The following B4GALT1 variants were observed in gnomAD, a reference collection of about 807,000 sequenced individuals.
B4GALT1 encodes beta-1,4-galactosyltransferase 1.
B4GALT1 carries 16 observed loss-of-function variants against 34.9 expected under a neutral mutation model. The observed-to-expected ratio is 0.46, with a 90% CI of 0.31 to 0.70. The LOEUF is 0.70. Ranked by LOEUF, B4GALT1 falls within the 30% of genes least tolerant of loss-of-function variation. The pLI is 0.05. For missense variants in B4GALT1, 445 were observed against 530.5 expected, an observed-to-expected ratio of 0.84 and a Z score of 1.58; for synonymous variants, 221 against 218.1, an observed-to-expected ratio of 1.01 and a Z score of -0.12.
At chr9:33,174,958 TAAAAAAAAAAAAAAAA>T in the B4GALT1 span, among the ~76,000 whole-genome samples, 5 of 13,354 alleles carry the variant, frequency 3.7e-4, no homozygotes, top group African/African-American at 5.7e-4. Flanking sequence ...GACTCTGTCT[TAAAAAAAAAAAAAAAA>T]AAAAAAAAAA....
downstream of B4GALT1, among the ~76,000 whole-genome samples, chr9:33,108,368 TTTGGGAGA>T (rs1839817142): frequency 6.6e-6 from 1 of 151,596 alleles, no homozygotes; most frequent in African/African-American, 2.4e-5. Flanking sequence ...ATCCCAGCAC[TTTGGGAGA>T]CTGAGGCAAG....
At chr9:33,161,535 G>A (rs1840675514) in intron 1 of B4GALT1, among the ~76,000 whole-genome samples, 1 of 152,170 alleles carries the variant, frequency 6.6e-6, no homozygotes. Context: ...TTAGGGACAG[G>A]AGGGACCCTG....
At chr9:33,175,026 T>C in the B4GALT1 span, among the ~76,000 whole-genome samples, 15 of 88,824 alleles carry the variant, frequency 1.7e-4, no homozygotes, top group African/African-American at 5.6e-4. Context: ...TATATAAAAT[T>C]GGAGGCCTAG....
At chr9:33,109,289 GT>G (rs1478521402), downstream of B4GALT1, among the ~76,000 whole-genome samples, 2 of 152,234 alleles carry the variant, frequency 1.3e-5, no homozygotes, top group Non-Finnish European at 2.9e-5. Context: ...TGTCTGGAGG[GT>G]GGAGCCCCTG....
intron 1 of B4GALT1, among the ~76,000 whole-genome samples, chr9:33,137,496 C>T (rs1188192668): frequency 6.6e-6 from 1 of 152,162 alleles, no homozygotes; most frequent in African/African-American, 2.4e-5. Flanking sequence ...AGCCAGCTCC[C>T]ACCTCCCAGG....
intron 1 of B4GALT1, among the ~76,000 whole-genome samples, chr9:33,158,762 C>T (rs942915310): frequency 2.6e-5 from 4 of 152,194 alleles, no homozygotes; most frequent in Non-Finnish European, 5.9e-5. Context: ...ACCCAGGCTT[C>T]CTCTCTCTGA....
chr9:33,137,214 G>C (rs1048023985), intron 1 of B4GALT1, among the ~76,000 whole-genome samples: 7 of 152,202 alleles, frequency 4.6e-5, no homozygotes, highest in Non-Finnish European at 7.3e-5. Context: ...AGCTCTGTCT[G>C]TCTCCCTCCC....
the B4GALT1 span, among the ~76,000 whole-genome samples, chr9:33,182,795 A>T: frequency 6.6e-6 from 1 of 152,194 alleles, no homozygotes; most frequent in African/African-American, 2.4e-5. Context: ...GACAAGCGAG[A>T]TGATCTCTTA....
At position 33,113,350 on chromosome 9, in the gene B4GALT1, C is replaced by T; in HGVS notation, c.*104G>A. 2 of 1,547,022 alleles carry T rather than the reference C, an allele frequency of 1.3e-6. No individual in the cohort carries two copies. Among genetic ancestry groups the T allele is most frequent in the Admixed American group, 1.7e-5 (1 of 59,868 alleles). ...TGAATGATGAGCGAAGGGGACCTGT[C>T]ACTCAGACTGGTAAAAATGAGAGGG... On this transcript the variant is annotated 3_prime_UTR_variant, in exon 6 of 6. Transcript: ENST00000379731.
intron 1 of B4GALT1, among the ~76,000 whole-genome samples, chr9:33,154,551 C>T (rs1435646134): frequency 2.0e-5 from 3 of 152,178 alleles, no homozygotes; most frequent in Admixed American, 2.0e-4. Context: ...GTATTTTTAC[C>T]ATGGTTGGCA....
intron 2 of B4GALT1, among the ~76,000 whole-genome samples, chr9:33,126,936 A>G (rs1441755051): frequency 6.6e-6 from 1 of 151,566 alleles, no homozygotes. Context: ...CAGAAGAGAC[A>G]GTTTTTGTTT....
intron 2 of B4GALT1, among the ~76,000 whole-genome samples, chr9:33,125,680 T>C (rs1840081861): frequency 6.6e-6 from 1 of 152,120 alleles, no homozygotes; most frequent in Non-Finnish European, 1.5e-5. Context: ...GGACAGGTGC[T>C]AGAATCTGGT....
chr9:33,139,819 G>A (rs552845916), intron 1 of B4GALT1, among the ~76,000 whole-genome samples: 23 of 152,372 alleles, frequency 1.5e-4, no homozygotes, highest in African/African-American at 5.0e-4. Flanking sequence ...GAGCCAAGGC[G>A]CCCTTGCTGT....
At chr9:33,151,166 C>A (rs1047477401) in intron 1 of B4GALT1, among the ~76,000 whole-genome samples, 3 of 152,220 alleles carry the variant, frequency 2.0e-5, no homozygotes, top group African/African-American at 7.2e-5. Flanking sequence ...ATTCACTTCC[C>A]TGCTCTGACT....
intron 1 of B4GALT1, among the ~76,000 whole-genome samples, chr9:33,144,206 C>T (rs997489766): frequency 6.7e-6 from 1 of 149,930 alleles, no homozygotes; most frequent in Non-Finnish European, 1.5e-5. Context: ...TTTCACTCTT[C>T]CTCTTAATTT....
Position 33,167,010 on chromosome 9 carries a change from C to G in B4GALT1, c.160G>C (p.Val54Leu), listed in dbSNP as rs763372633. 1.4e-5 allele frequency: 22 copies of G among 1,597,382 alleles called. No individual in the cohort carries two copies. Among genetic ancestry groups the G allele is most frequent in the Non-Finnish European group, 1.5e-5 (18 of 1,177,664 alleles). ...GRDLSRLPQL[V>L]GVSTPLQGGS... is the part of the protein sequence containing the mutation. ...CCCTGCAGCGGTGTGGAGACTCCGACCAGTTGGGGCAGGCGGCTCAGGTCG... is the reference window on the plus strand; with the variant it reads ...CCCTGCAGCGGTGTGGAGACTCCGAGCAGTTGGGGCAGGCGGCTCAGGTCG... Residue 54 changes from valine (V) to leucine (L), a missense_variant, in exon 1 of 6, where the codon GTC (valine) becomes CTC (leucine). By Grantham distance (32) the Val-to-Leu change is conservative (BLOSUM62 1). Around this residue, in one of 3 missense-constraint regions of B4GALT1, gnomAD observed 349 missense variants for 395.5 expected, o/e 0.88. Coordinates refer to ENST00000379731, the MANE Select transcript of B4GALT1 (RefSeq NM_001497.4).
intron 1 of B4GALT1, among the ~76,000 whole-genome samples, chr9:33,158,691 A>T (rs1281818863): frequency 1.3e-5 from 2 of 151,776 alleles, no homozygotes; most frequent in African/African-American, 4.8e-5. Context: ...CTTCATTCTG[A>T]CTCTGGCCCT....
At chr9:33,135,055 G>C in intron 2 of B4GALT1, 134 bp downstream of exon 2, 1 of 888,220 alleles carries the variant, frequency 1.1e-6, no homozygotes, top group Non-Finnish European at 1.8e-6. Flanking sequence ...GGTGGTGGCT[G>C]GGGGGCTGGT....
At chr9:33,114,329 C>T (rs1839909404) in intron 4 of B4GALT1, among the ~76,000 whole-genome samples, 1 of 152,138 alleles carries the variant, frequency 6.6e-6, no homozygotes, top group Non-Finnish European at 1.5e-5. Context: ...ATGGCACAGG[C>T]AAAGGCATGG....
Sources: gnomAD v4.1 joint callset for allele counts (sites outside exome capture counted in the v4.1 genomes callset) on GRCh38, gnomAD v4.1.1 for gene constraint, gnomAD v4.1.1 regional missense constraint, MANE v1.5 for transcripts, NCBI Gene and HGNC (gene_info 2026-07-23, HGNC 2026-07-21) for gene names.